The following IL1RAPL1 variants were observed in gnomAD, a reference collection of about 807,000 sequenced individuals.
The protein encoded by IL1RAPL1 is interleukin 1 receptor accessory protein like 1.
Under a neutral mutation model 48.4 loss-of-function variants are expected in IL1RAPL1, and 3 were observed. The observed-to-expected ratio is 0.06, with a 90% CI of 0.03 to 0.16. The LOEUF (loss-of-function observed/expected upper bound fraction) is 0.16, where lower values mean the gene tolerates loss of function less well. Among genes scored for constraint, IL1RAPL1 ranks in the 10% least tolerant of loss-of-function variants. The probability of loss-of-function intolerance (pLI) is 1.00; values close to 1 mark genes in which losing one functional copy is unlikely to be tolerated. For missense variants in IL1RAPL1, 349 were observed against 530.6 expected (o/e 0.66, Z 3.36); for synonymous variants, 185 against 187.7 (o/e 0.99, Z 0.12).
intron 2 of IL1RAPL1, among the ~76,000 whole-genome samples, chrX:29,049,080 A>G (rs1362148255): frequency 8.9e-6 from 1 of 112,325 alleles, no homozygotes; most frequent in Non-Finnish European, 1.9e-5. Context: ...CTTTTCTAGC[A>G]ATCTGTCTAA....
intron 2 of IL1RAPL1, among the ~76,000 whole-genome samples, chrX:29,014,819 G>A (rs922044033): frequency 1.8e-5 from 2 of 111,637 alleles, no homozygotes; most frequent in African/African-American, 3.2e-5. Flanking sequence ...ATTCCAAAAC[G>A]AGAATACTTT....
At chrX:28,623,061 A>G (rs936654932) in intron 1 of IL1RAPL1, among the ~76,000 whole-genome samples, 8 of 111,460 alleles carry the variant, frequency 7.2e-5, no homozygotes, top group African/African-American at 2.6e-4. Flanking sequence ...AAACAAACAC[A>G]TCTCTAACTT....
Position 28,726,173 on chromosome X carries a change from G to T in IL1RAPL1, c.-24-63147G>T, listed in dbSNP as rs73630077. On this transcript the variant is annotated intron_variant, in intron 1 of 10. Coordinates refer to ENST00000378993, the MANE Select transcript of IL1RAPL1 (RefSeq NM_014271.4). Reference sequence around the variant, plus strand: ...TTTGATGATCATTCTGTTGAGGATAGAACTGTGGTATATGTGATCATGGGT... The same window carrying T: ...TTTGATGATCATTCTGTTGAGGATATAACTGTGGTATATGTGATCATGGGT... Among the ~76,000 whole-genome samples, 802 of 111,997 alleles carry T rather than the reference G, an allele frequency of 7.2e-3. 10 individuals carry two copies. The highest frequency in any genetic ancestry group is 0.025 in the African/African-American group (758 of 30,841).
chrX:28,964,361 T>G (rs1444079565), intron 2 of IL1RAPL1, among the ~76,000 whole-genome samples: 3 of 111,967 alleles, frequency 2.7e-5, no homozygotes, highest in Non-Finnish European at 5.7e-5. Flanking sequence ...CATATAGATT[T>G]CTTTATTTCC....
At chrX:28,588,883 C>T (rs192942654) in intron 1 of IL1RAPL1, among the ~76,000 whole-genome samples, 1 of 111,683 alleles carries the variant, frequency 9.0e-6, no homozygotes, top group Non-Finnish European at 1.9e-5. Context: ...AAGCAGAGAC[C>T]GTCCTTTTAT....
chrX:29,585,231 C>T (rs1923117351), intron 5 of IL1RAPL1, among the ~76,000 whole-genome samples: 2 of 111,950 alleles, frequency 1.8e-5, no homozygotes, highest in Admixed American at 1.9e-4. Flanking sequence ...AACCATCATT[C>T]CACTCTGATT....
intron 2 of IL1RAPL1, among the ~76,000 whole-genome samples, chrX:28,892,127 C>A (rs965296636): frequency 2.7e-5 from 3 of 110,643 alleles, no homozygotes; most frequent in African/African-American, 9.9e-5. Flanking sequence ...TTTTCACTCG[C>A]GTCCGAGTGA....
At chrX:29,226,619 G>A (rs903339853) in intron 2 of IL1RAPL1, among the ~76,000 whole-genome samples, 3 of 108,647 alleles carry the variant, frequency 2.8e-5, no homozygotes, top group Non-Finnish European at 1.9e-5. Flanking sequence ...ATTTTTAGTA[G>A]AGACGGGGTT....
chrX:29,362,316 C>T (rs1337093813), intron 3 of IL1RAPL1, among the ~76,000 whole-genome samples: 1 of 111,801 alleles, frequency 8.9e-6, no homozygotes, highest in East Asian at 2.8e-4. Flanking sequence ...CATAGTGTGT[C>T]CTGTAATAGG....
At chrX:29,842,794 A>T (rs960730714) in intron 6 of IL1RAPL1, among the ~76,000 whole-genome samples, 1 of 112,022 alleles carries the variant, frequency 8.9e-6, no homozygotes, top group Non-Finnish European at 1.9e-5. Context: ...GTACTTTCAA[A>T]GACGACATTT....
rs138257728 is a variant in IL1RAPL1 at position 29,105,851 on chromosome X, G to T, written c.83-177087G>T. ...TGTTTCATCCAGAAAGCCATCAATG[G>T]GCTGTACCTGCTGCAGGGGGATCTT... On this transcript the variant is annotated intron_variant, in intron 2 of 10. Coordinates refer to ENST00000378993, the MANE Select transcript of IL1RAPL1 (RefSeq NM_014271.4). Among the ~76,000 whole-genome samples, 159 of 111,560 alleles carry T rather than the reference G, an allele frequency of 1.4e-3. 1 individual carries two copies. The highest frequency in any genetic ancestry group is 5.0e-3 in the African/African-American group (153 of 30,712).
At chrX:29,173,828 C>CA (rs1929954473) in intron 2 of IL1RAPL1, among the ~76,000 whole-genome samples, 1 of 111,347 alleles carries the variant, frequency 9.0e-6, no homozygotes, top group Admixed American at 9.6e-5. Flanking sequence ...AAAGATGACT[C>CA]AAAAATCTTC....
At chrX:29,243,833 T>C (rs1985236768) in intron 2 of IL1RAPL1, among the ~76,000 whole-genome samples, 1 of 111,672 alleles carries the variant, frequency 9.0e-6, no homozygotes. Context: ...AATAATGATA[T>C]AATTTCAGCT....
In IL1RAPL1 at chrX:28,768,832, A is replaced by G. The variant is rs867606082; in HGVS notation, c.-24-20488A>G. Among the ~76,000 whole-genome samples the G allele has an allele frequency of 8.4e-3, 735 of 87,447 alleles. 6 individuals carry two copies. Among genetic ancestry groups the G allele is most frequent in the Middle Eastern group, 0.023 (4 of 175 alleles). 75.9% of individuals were successfully genotyped at this position (87,447 alleles called of 115,157 possible). On this transcript the variant is annotated intron_variant, in intron 1 of 10. Transcript: ENST00000378993. Reference sequence around the variant, plus strand: ...ATATATAATGTGTGTGTGTATATATATATATATATATATATATATGGCAGT... The same window carrying G: ...ATATATAATGTGTGTGTGTATATATGTATATATATATATATATATGGCAGT...
At chrX:29,841,878 T>A (rs191800602) in intron 6 of IL1RAPL1, among the ~76,000 whole-genome samples, 2,602 of 111,612 alleles carry the variant, frequency 0.023, 74 homozygotes, top group African/African-American at 0.078. Context: ...ATGGCTATAA[T>A]TTATTACAGC....
At chrX:28,666,995 G>A (rs1210939807) in intron 1 of IL1RAPL1, among the ~76,000 whole-genome samples, 1 of 111,621 alleles carries the variant, frequency 9.0e-6, no homozygotes, top group Non-Finnish European at 1.9e-5. Flanking sequence ...CAGTTTTCTT[G>A]TAGTGTGGAG....
chrX:28,700,825 T>C (rs375931845), intron 1 of IL1RAPL1, among the ~76,000 whole-genome samples: 8 of 111,126 alleles, frequency 7.2e-5, no homozygotes, highest in African/African-American at 2.3e-4. Context: ...GTTCCTGTGT[T>C]AGTTTGCTAA....
intron 2 of IL1RAPL1, among the ~76,000 whole-genome samples, chrX:29,011,231 G>T (rs1457798939): frequency 9.0e-6 from 1 of 111,623 alleles, no homozygotes; most frequent in Non-Finnish European, 1.9e-5. Flanking sequence ...TCCTGGAAAA[G>T]TTAAAAATGA....
At chrX:29,320,261 A>G (rs1932794937) in intron 3 of IL1RAPL1, among the ~76,000 whole-genome samples, 2 of 111,910 alleles carry the variant, frequency 1.8e-5, no homozygotes, top group South Asian at 7.4e-4. Context: ...TTTATGGGGA[A>G]AGGATACACG....
Sources: gnomAD v4.1 joint callset for allele counts (sites outside exome capture counted in the v4.1 genomes callset) on GRCh38, gnomAD v4.1.1 for gene constraint, MANE v1.5 for transcripts, NCBI Gene and HGNC (gene_info 2026-07-23, HGNC 2026-07-21) for gene names.